Variants in DORIP1 observed in about 807,000 individuals in gnomAD.
DORIP1 encodes the protein dopamine receptor-interacting protein 1.
chr14:44,904,602 T>C, the DORIP1 span: 1 of 1,375,616 alleles, frequency 7.3e-7, no homozygotes, highest in African/African-American at 1.5e-5. Context: ...TGATTTTGAC[T>C]AGCCCTTAAG....
At chr14:44,897,594 A>C in the DORIP1 span, 2 of 164,538 alleles carry the variant, frequency 1.2e-5, no homozygotes, top group African/African-American at 4.8e-5. Context: ...TTCCTGGTGG[A>C]CGGAGACTGG....
chr14:44,901,916 G>A, the DORIP1 span, among the ~76,000 whole-genome samples: 1 of 152,194 alleles, frequency 6.6e-6, no homozygotes, highest in African/African-American at 2.4e-5. Context: ...CTAGTGGAGT[G>A]TTGGGAAACG....
the DORIP1 span, chr14:44,904,252 A>T: frequency 4.4e-6 from 6 of 1,371,652 alleles, no homozygotes; most frequent in Non-Finnish European, 5.7e-6. Flanking sequence ...GGTAGTAATT[A>T]CCCTATAACT....
At chr14:44,905,473 A>G in the DORIP1 span, 2 of 1,565,156 alleles carry the variant, frequency 1.3e-6, no homozygotes, top group Non-Finnish European at 8.7e-7. Flanking sequence ...CAGAAATGTG[A>G]ATTTAATTTT....
At chr14:44,904,049 A>G in the DORIP1 span, 3 of 984,944 alleles carry the variant, frequency 3.0e-6, no homozygotes, top group African/African-American at 1.7e-5. Flanking sequence ...AATTAGAGTC[A>G]TATTTTTCCC....
chr14:44,903,163 A>G, the DORIP1 span: 1 of 1,361,386 alleles, frequency 7.3e-7, no homozygotes, highest in Admixed American at 1.7e-5. Flanking sequence ...ATTAAGATAT[A>G]AAATGTTGAA....
At chr14:44,901,479 A>G in the DORIP1 span, among the ~76,000 whole-genome samples, 1 of 152,236 alleles carries the variant, frequency 6.6e-6, no homozygotes, top group African/African-American at 2.4e-5. Flanking sequence ...CAAACATCTT[A>G]TAATTACTTT....
At chr14:44,902,317 C>G in the DORIP1 span, among the ~76,000 whole-genome samples, 3 of 152,034 alleles carry the variant, frequency 2.0e-5, no homozygotes, top group Admixed American at 1.3e-4. Flanking sequence ...CCATGCCCAG[C>G]TAATGTTTTA....
At chr14:44,899,824 ATTTTTT>A in the DORIP1 span, among the ~76,000 whole-genome samples, 1 of 115,298 alleles carries the variant, frequency 8.7e-6, no homozygotes, top group African/African-American at 3.6e-5. Context: ...TCATTTAGGA[ATTTTTT>A]TTTTTTTTTT....
At chr14:44,901,096 T>C in the DORIP1 span, 1 of 785,864 alleles carries the variant, frequency 1.3e-6, no homozygotes, top group Non-Finnish European at 2.0e-6. Flanking sequence ...TAGGATACTG[T>C]ATATTTAGTA....
chr14:44,905,540 C>A, the DORIP1 span: 1 of 1,509,926 alleles, frequency 6.6e-7, no homozygotes, highest in Admixed American at 1.8e-5. Flanking sequence ...ATTCGAGCAA[C>A]AGAGAAATAA....
chr14:44,903,673 C>T, the DORIP1 span: 27 of 985,876 alleles, frequency 2.7e-5, no homozygotes, highest in Non-Finnish European at 3.3e-5. Flanking sequence ...ACATATTCAT[C>T]CCAATCTCTT....
chr14:44,903,307 A>C, the DORIP1 span: 2 of 1,602,690 alleles, frequency 1.2e-6, no homozygotes, highest in Non-Finnish European at 1.7e-6. Context: ...GTGAGTATAC[A>C]ATAGACATTT....
the DORIP1 span, chr14:44,903,625 C>A: frequency 1.0e-6 from 1 of 1,002,128 alleles, no homozygotes; most frequent in Non-Finnish European, 1.2e-6. Flanking sequence ...TAAATGACAA[C>A]TAAAAAACTT....
the DORIP1 span, chr14:44,903,914 T>G: frequency 3.1e-6 from 3 of 979,798 alleles, no homozygotes; most frequent in South Asian, 1.4e-4. Flanking sequence ...CCCTGAGCAT[T>G]CCGGTTAATC....
chr14:44,903,964 C>T, the DORIP1 span: 15 of 975,922 alleles, frequency 1.5e-5, no homozygotes, highest in African/African-American at 2.3e-4. Flanking sequence ...TATTCTGATC[C>T]ATATACTTAA....
chr14:44,902,314 C>T, the DORIP1 span, among the ~76,000 whole-genome samples: 1 of 152,056 alleles, frequency 6.6e-6, no homozygotes, highest in Non-Finnish European at 1.5e-5. Flanking sequence ...CCACCATGCC[C>T]AGCTAATGTT....
At chr14:44,903,701 C>T in the DORIP1 span, 2 of 971,556 alleles carry the variant, frequency 2.1e-6, no homozygotes, top group East Asian at 1.1e-4. Context: ...TCTGTGACTA[C>T]ATTATTGTAT....
At chr14:44,897,980 G>C in the DORIP1 span, among the ~76,000 whole-genome samples, 1 of 152,202 alleles carries the variant, frequency 6.6e-6, no homozygotes, top group Non-Finnish European at 1.5e-5. Flanking sequence ...GCATGTGGTG[G>C]GGTCCTCACG....
Sources: allele counts gnomAD v4.1 joint callset (sites outside exome capture counted in the v4.1 genomes callset), GRCh38; gene constraint gnomAD v4.1.1; transcripts MANE v1.5; gene names NCBI Gene and HGNC (gene_info 2026-07-23, HGNC 2026-07-21).